The following DOCK10 variants were observed in gnomAD, a reference collection of about 807,000 sequenced individuals.
DOCK10 encodes the protein dedicator of cytokinesis 10.
In DOCK10, 145 loss-of-function variants were observed where a neutral mutation model predicts 280.1. The ratio of observed to expected loss-of-function variants is 0.52; its 90% CI spans 0.45 to 0.59. DOCK10 has a LOEUF of 0.59. Ranked by LOEUF, DOCK10 falls within the 20% of genes least tolerant of loss-of-function variation. The pLI is 0.00. For synonymous variants in DOCK10, 915 were observed against 942.2 expected (o/e 0.97, Z 0.53); for missense variants, 2,368 against 2,651.7 (o/e 0.89, Z 2.35).
intron 27 of DOCK10, among the ~76,000 whole-genome samples, chr2:224,826,779 CTATCT>C (rs1158240866): frequency 3.4e-5 from 5 of 147,280 alleles, no homozygotes; most frequent in Non-Finnish European, 7.6e-5. Flanking sequence ...ATCTATCTAT[CTATCT>C]ATCTATCATC....
chr2:224,922,060 G>A (rs1701785867), intron 2 of DOCK10, among the ~76,000 whole-genome samples: 1 of 150,856 alleles, frequency 6.6e-6, no homozygotes, highest in South Asian at 2.1e-4. Flanking sequence ...CGGAGGTTGC[G>A]GTGAGTCGAG....
chr2:224,782,747 A>C (rs1691442175), intron 50 of DOCK10, among the ~76,000 whole-genome samples: 1 of 152,208 alleles, frequency 6.6e-6, no homozygotes, highest in Admixed American at 6.5e-5. Flanking sequence ...GGGACACTAA[A>C]AAATTGTACC....
intron 1 of DOCK10, among the ~76,000 whole-genome samples, chr2:224,957,296 G>GCCCT (rs1553622591): frequency 1.7e-5 from 1 of 59,104 alleles, no homozygotes; most frequent in Non-Finnish European, 4.2e-5. Context: ...CCCCCCCCCG[G>GCCCT]CTTTGTTTTT....
intron 1 of DOCK10, among the ~76,000 whole-genome samples, chr2:225,029,876 G>C (rs916383367): frequency 6.6e-6 from 1 of 152,086 alleles, no homozygotes; most frequent in Non-Finnish European, 1.5e-5. Context: ...AGGAGAGGTG[G>C]CTCACACCTG....
At chr2:224,900,597 T>A (rs879627721) in intron 3 of DOCK10, among the ~76,000 whole-genome samples, 2 of 152,246 alleles carry the variant, frequency 1.3e-5, no homozygotes, top group Non-Finnish European at 2.9e-5. Context: ...TCTGTTTCTG[T>A]TTTAGAATCA....
intron 27 of DOCK10, among the ~76,000 whole-genome samples, chr2:224,826,178 C>A (rs1036340939): frequency 6.6e-6 from 1 of 152,188 alleles, no homozygotes; most frequent in Admixed American, 6.5e-5. Context: ...ATTCTCGTGC[C>A]TCAGCCTCCT....
At position 224,931,981 on chromosome 2, in the gene DOCK10, T is replaced by C. The variant is rs115210967; in HGVS notation, c.124-313A>G. Among the ~76,000 whole-genome samples the C allele has an allele frequency of 5.4e-3, 820 of 152,334 alleles. 5 individuals carry two copies. The highest frequency in any genetic ancestry group is 0.018 in the African/African-American group (767 of 41,576). On this transcript the variant is annotated intron_variant, in intron 1 of 55. Transcript: ENST00000258390. ...TAGATGTTTATGTAAATTTTATCTTTGTCAACATGAAGAAAGACCTTCTGC... is the reference window on the plus strand; with the variant it reads ...TAGATGTTTATGTAAATTTTATCTTCGTCAACATGAAGAAAGACCTTCTGC...
intron 19 of DOCK10, among the ~76,000 whole-genome samples, chr2:224,847,671 A>G (rs1251046715): frequency 6.6e-6 from 1 of 152,198 alleles, no homozygotes; most frequent in Non-Finnish European, 1.5e-5. Flanking sequence ...TAATGTGGTC[A>G]TGGTTTTTGC....
In DOCK10 at chr2:224,931,626, C is replaced by T; in HGVS notation, c.166G>A (p.Val56Ile). Residue 56 changes from valine to isoleucine, a missense_variant, in exon 2 of 56, where the codon GTC becomes ATC. Val to Ile is a conservative substitution (Grantham distance 29). This residue lies in a region of DOCK10 where 1,209 missense variants were observed against 1,250.9 expected (regional missense o/e 0.97). Coordinates refer to ENST00000258390, the MANE Select transcript of DOCK10 (RefSeq NM_014689.3). ...RLLEPLDYETVIEELEKTYRN... is the reference protein window; with the variant it reads ...RLLEPLDYETIIEELEKTYRN... ...TAGGTCTTTTCAAGTTCTTCAATGA[C>T]AGTCTCATAATCCAAAGGCTCGAGA... 4 of 1,611,308 alleles carry T rather than the reference C, an allele frequency of 2.5e-6. No individual in the cohort carries two copies. Among genetic ancestry groups the T allele is most frequent in the Non-Finnish European group, 3.4e-6 (4 of 1,178,704 alleles).
chr2:224,896,523 A>G, intron 3 of DOCK10, 146 bp from the exon 4 acceptor site: 1 of 503,526 alleles, frequency 2.0e-6, no homozygotes. Context: ...AACCTGACCA[A>G]TATGGCAAAA....
chr2:225,042,157 G>T lies in DOCK10; in HGVS notation c.123+95C>A. On this transcript the variant is annotated intron_variant, in intron 1 of 55. Coordinates refer to ENST00000258390, the MANE Select transcript of DOCK10 (RefSeq NM_014689.3). The surrounding 1 kb of genome is among the most constrained non-coding windows in gnomAD (Gnocchi z 5.1). Reference sequence around the variant, plus strand: ...GGAGGAGAGGACCCGTGAGCTGCGGGGACCTGGGCCCGCCGAGCTTTTGGG... The same window carrying T: ...GGAGGAGAGGACCCGTGAGCTGCGGTGACCTGGGCCCGCCGAGCTTTTGGG... The T allele has an allele frequency of 8.4e-7, 1 of 1,191,034 alleles. No homozygotes were observed. The highest frequency in any genetic ancestry group is 1.0e-6 in the Non-Finnish European group (1 of 956,726). The allele number at this position is 1,191,034 out of a possible 1,614,324, so 73.8% of individuals were successfully genotyped here. A position where few individuals can be genotyped will look rare whatever the true frequency, so the allele number is the denominator to read the frequency against.
At chr2:224,935,776 T>C (rs1702653735) in intron 1 of DOCK10, among the ~76,000 whole-genome samples, 1 of 152,190 alleles carries the variant, frequency 6.6e-6, no homozygotes, top group Non-Finnish European at 1.5e-5. Context: ...GTATTATAAA[T>C]TTAATGTCTA....
At chr2:224,856,722 C>T (rs1367635956) in intron 15 of DOCK10, 138 bp downstream of exon 15, 5 of 687,944 alleles carry the variant, frequency 7.3e-6, no homozygotes, top group Non-Finnish European at 9.0e-6. Flanking sequence ...GCTATTTGGG[C>T]ATATGTGAAG....
intron 1 of DOCK10, among the ~76,000 whole-genome samples, chr2:224,953,928 AGAGT>A (rs796311077): frequency 1.5e-5 from 2 of 133,068 alleles, no homozygotes; most frequent in Non-Finnish European, 3.3e-5. Flanking sequence ...CTGTGTGTGC[AGAGT>A]GTGTGTGTGT....
chr2:224,894,132 G>A (rs1431688652), intron 4 of DOCK10, among the ~76,000 whole-genome samples: 1 of 152,150 alleles, frequency 6.6e-6, no homozygotes, highest in African/African-American at 2.4e-5. Flanking sequence ...TAAAGTAAGG[G>A]AAATTCTCAA....
At chr2:224,961,412 C>CTT (rs57668925) in intron 1 of DOCK10, among the ~76,000 whole-genome samples, 5,720 of 119,230 alleles carry the variant, frequency 0.048, 234 homozygotes, top group Middle Eastern at 0.059. Flanking sequence ...TTCTTTCTTT[C>CTT]TCTTTCTTTC....
In DOCK10 at chr2:225,042,412, G is replaced by A. The variant is rs1237794246; in HGVS notation, c.-38C>T. ...CAATCGCGCCGCGGGCCCGGGGCGC[G>A]CCTCCCGCCGGTCTTCCCCGCGCCA... On this transcript the variant is annotated 5_prime_UTR_variant, in exon 1 of 56. Coordinates refer to ENST00000258390, the MANE Select transcript of DOCK10 (RefSeq NM_014689.3). This position sits in a 1 kb window ranked among gnomAD's most constrained non-coding sequence, Gnocchi z 5.1. 6 of 1,227,678 alleles carry A rather than the reference G, an allele frequency of 4.9e-6. No homozygotes were observed. The highest frequency in any genetic ancestry group is 3.7e-5 in the South Asian group (1 of 27,178). The allele number at this position is 1,227,678 out of a possible 1,614,324, so 76.0% of individuals were successfully genotyped here.
chr2:224,769,940 A>G (rs912598455), intron 55 of DOCK10, among the ~76,000 whole-genome samples: 1 of 152,182 alleles, frequency 6.6e-6, no homozygotes, highest in Admixed American at 6.5e-5. Context: ...TCAGCATTTA[A>G]TGGGACTCAC....
At chr2:224,797,735 C>A in intron 42 of DOCK10, 97 bp downstream of exon 42, 1 of 1,365,400 alleles carries the variant, frequency 7.3e-7, no homozygotes, top group Non-Finnish European at 9.9e-7. Flanking sequence ...ATCCTTCTTC[C>A]CTCCCTACTG....
Sources: gnomAD v4.1 joint callset for allele counts (sites outside exome capture counted in the v4.1 genomes callset) on GRCh38, gnomAD v4.1.1 for gene constraint, gnomAD v4.1.1 regional missense constraint, Gnocchi (gnomAD v3.1) non-coding constraint, MANE v1.5 for transcripts, NCBI Gene and HGNC (gene_info 2026-07-23, HGNC 2026-07-21) for gene names.